Variants in MAP3K9 observed in about 807,000 individuals in gnomAD.
MAP3K9 encodes the protein mitogen-activated protein kinase kinase kinase 9.
In MAP3K9, 46 loss-of-function variants were observed where a neutral mutation model predicts 95.8. The observed-to-expected ratio is 0.48, with a 90% CI of 0.38 to 0.61. The LOEUF is 0.61. MAP3K9 is among the 20% of genes least tolerant of loss of function. The pLI is 0.00. For missense variants in MAP3K9, 1,296 were observed against 1,474.3 expected (o/e 0.88, Z 1.98); for synonymous variants, 533 against 593.8 (o/e 0.90, Z 1.49).
intron 3 of MAP3K9, among the ~76,000 whole-genome samples, chr14:70,756,644 T>C (rs2054303162): frequency 1.3e-5 from 2 of 152,254 alleles, no homozygotes; most frequent in Admixed American, 1.3e-4. Context: ...TAAGTTCTCC[T>C]TCCTCTTTTA....
rs141502233 is a variant in MAP3K9 at position 70,740,131 on chromosome 14, G to C, written c.1601C>G (p.Pro534Arg). 1.9e-6 allele frequency: 3 copies of C among 1,614,148 alleles called. No homozygotes were observed. The African/African-American group carries it at 4.0e-5, about 22-fold the overall frequency. Residue 534 changes from proline (P) to arginine (R), a missense_variant, in exon 7 of 12, where the codon CCT becomes CGT. Coordinates refer to ENST00000554752, the MANE Select transcript of MAP3K9 (RefSeq NM_001284230.2). ...FQHKFTVQASPTMDKRKSLIN... is the reference protein window; with the variant it reads ...FQHKFTVQASRTMDKRKSLIN... ...AAGACTCTTCCTTTTATCCATGGTAGGGGAGGCCTGCACCGTGAACTTGTG... is the reference window on the plus strand; with the variant it reads ...AAGACTCTTCCTTTTATCCATGGTACGGGAGGCCTGCACCGTGAACTTGTG...
At chr14:70,780,041 A>T (rs2054653298) in intron 2 of MAP3K9, among the ~76,000 whole-genome samples, 1 of 152,198 alleles carries the variant, frequency 6.6e-6, no homozygotes. Flanking sequence ...GTTAGTTAAC[A>T]AGATTGGGAT....
chr14:70,798,975 T>C (rs960658986), intron 2 of MAP3K9, among the ~76,000 whole-genome samples: 4 of 152,168 alleles, frequency 2.6e-5, no homozygotes, highest in African/African-American at 9.7e-5. Flanking sequence ...AGTTTTTCTA[T>C]TATTAAGGGG....
rs114935771 is a variant in MAP3K9, at chr14:70,746,777, G to A, written c.1326+2052C>T. On this transcript the variant is annotated intron_variant, in intron 5 of 11. Coordinates refer to ENST00000554752, the MANE Select transcript of MAP3K9 (RefSeq NM_001284230.2). ...TAGCTATTATGAGTTTGACTTCCTA[G>A]TAACTACTTACTGACAAAATCCAAA... Among the ~76,000 whole-genome samples the A allele has an allele frequency of 2.5e-3, 383 of 152,284 alleles. 2 individuals carry two copies. Among genetic ancestry groups the A allele is most frequent in the African/African-American group, 8.9e-3 (371 of 41,542 alleles).
At chr14:70,759,034 A>C (rs139973549) in intron 3 of MAP3K9, among the ~76,000 whole-genome samples, 43 of 152,394 alleles carry the variant, frequency 2.8e-4, no homozygotes, top group African/African-American at 1.0e-3. Context: ...TGAAACATCC[A>C]GAACAGGCAA....
chr14:70,732,482 T>C, intron 11 of MAP3K9, 57 bp downstream of exon 11: 1 of 1,499,034 alleles, frequency 6.7e-7, no homozygotes. Context: ...CCTGCAAACA[T>C]CTTCACTCCC....
rs2139732656 is a variant in MAP3K9 at position 70,742,358 on chromosome 14, G to A, written c.1560C>T (p.Leu520=). 2 of 1,614,068 alleles carry A rather than the reference G, an allele frequency of 1.2e-6. No homozygotes were observed. Among genetic ancestry groups the A allele is most frequent in the Non-Finnish European group, 1.7e-6 (2 of 1,179,952 alleles). Residue 520 remains leucine (L), a synonymous_variant, in exon 6 of 12, where the codon CTC becomes CTT. Transcript: ENST00000554752. ...LKLKDGNRIS[L]PSDFQHKFTV... ...CAGTCCCCGGCCACTGACCAGAAGG[G>A]AGGCTGATGCGGTTGCCATCCTTGA...
In MAP3K9 at chr14:70,764,192, C is replaced by CAAAAA. The variant is rs71105731; in HGVS notation, c.821-3015_821-3011dup. 2.0e-4 allele frequency among the ~76,000 whole-genome samples: 6 copies of CAAAAA among 29,852 alleles called. 2 individuals carry two copies. Among genetic ancestry groups the CAAAAA allele is most frequent in the South Asian group, 3.7e-3 (2 of 536 alleles). The allele number at this position is 29,852 out of a possible 152,430, so 19.6% of individuals were successfully genotyped here. ...TGGGCGACAGAGCGAGACTCCGTCT[C>CAAAAA]AAAAAAAAAAAAAAAAAGTTAACTG... On this transcript the variant is annotated intron_variant, in intron 2 of 11. Transcript: ENST00000554752.
chr14:70,724,465 C>T lies in MAP3K9; in HGVS notation c.*5915G>A, dbSNP rs1424156822. The T allele has an allele frequency of 1.3e-5, 2 of 152,030 alleles. No homozygotes were observed. The highest frequency in any genetic ancestry group is 2.9e-5 in the Non-Finnish European group (2 of 68,012). The allele number at this position is 152,030 out of a possible 1,614,324, so 9.4% of individuals were successfully genotyped here. On this transcript the variant is annotated 3_prime_UTR_variant, in exon 12 of 12. Coordinates refer to ENST00000554752, the MANE Select transcript of MAP3K9 (RefSeq NM_001284230.2). ...TGGTACCTAAGCCCCTCTCACAGGT[C>T]CAGGTGAGGGGCAGGCAGGGCTGGG...
At chr14:70,733,983 G>T (rs1357289832) in intron 10 of MAP3K9, among the ~76,000 whole-genome samples, 1 of 152,174 alleles carries the variant, frequency 6.6e-6, no homozygotes, top group African/African-American at 2.4e-5. Flanking sequence ...CCTCAGACTG[G>T]GAGCTGCACT....
rs989384489 is a variant in MAP3K9 at position 70,783,890 on chromosome 14, T to G, written c.820+16777A>C. ...TTAACAGACGTGTCCAAACCCTTTT[T>G]GAATGTTTATATTACTTTTCTGGTT... On this transcript the variant is annotated intron_variant, in intron 2 of 11. Coordinates refer to ENST00000554752, the MANE Select transcript of MAP3K9 (RefSeq NM_001284230.2). Among the ~76,000 whole-genome samples the G allele has an allele frequency of 3.9e-5, 6 of 152,388 alleles. No individual in the cohort carries two copies. In the South Asian group the frequency reaches 8.3e-4, roughly 21 times the overall value.
chr14:70,801,283 C>T (rs2054927490), intron 1 of MAP3K9, among the ~76,000 whole-genome samples: 1 of 152,130 alleles, frequency 6.6e-6, no homozygotes, highest in Admixed American at 6.5e-5. Context: ...ACAGTCACCA[C>T]ATGGTAGGCA....
At chr14:70,770,529 A>G (rs1205708125) in intron 2 of MAP3K9, among the ~76,000 whole-genome samples, 1 of 151,990 alleles carries the variant, frequency 6.6e-6, no homozygotes, top group Non-Finnish European at 1.5e-5. Context: ...TTTAGCATCG[A>G]GGGTTGGGCA....
chr14:70,783,307 C>G, intron 2 of MAP3K9: 1 of 978,208 alleles, frequency 1.0e-6, no homozygotes, highest in Non-Finnish European at 1.2e-6. Context: ...TCAAATTAGT[C>G]TGACTCTTAT....
chr14:70,726,319 A>T lies in MAP3K9; in HGVS notation c.*4061T>A, dbSNP rs2053820343. 6.6e-6 allele frequency: 1 copy of T among 152,264 alleles called. No individual in the cohort carries two copies. The highest frequency in any genetic ancestry group is 2.4e-5 in the African/African-American group (1 of 41,464). The allele number at this position is 152,264 out of a possible 1,614,324, so 9.4% of individuals were successfully genotyped here. A position where few individuals can be genotyped will look rare whatever the true frequency, so the allele number is the denominator to read the frequency against. ...CCCTGAGCAACAGTAGCCTGAGGGA[A>T]AGGGGGCTTAGTGACCATGACACAT... On this transcript the variant is annotated 3_prime_UTR_variant, in exon 12 of 12. Coordinates refer to ENST00000554752, the MANE Select transcript of MAP3K9 (RefSeq NM_001284230.2).
chr14:70,739,774 T>G, intron 7 of MAP3K9: 1 of 1,096,812 alleles, frequency 9.1e-7, no homozygotes, highest in Non-Finnish European at 1.3e-6. Flanking sequence ...TAAATTGCTT[T>G]GCAAACCACT....
At chr14:70,751,724 A>T (rs371484420) in intron 3 of MAP3K9, among the ~76,000 whole-genome samples, 3 of 152,320 alleles carry the variant, frequency 2.0e-5, no homozygotes, top group Admixed American at 2.0e-4. Flanking sequence ...GTCTCAAAGT[A>T]ATCAATAATA....
chr14:70,734,491 A>T lies in MAP3K9; in HGVS notation c.1921T>A (p.Ser641Thr). 1 of 1,594,646 alleles carries T rather than the reference A, an allele frequency of 6.3e-7. No homozygotes were observed. Among genetic ancestry groups the T allele is most frequent in the East Asian group, 2.2e-5 (1 of 44,808 alleles). Residue 641 changes from serine to threonine, a missense_variant, in exon 10 of 12, where the codon TCC becomes ACC. Ser to Thr is a moderately conservative substitution (Grantham distance 58). Around this residue, in one of 5 missense-constraint regions of MAP3K9, gnomAD observed 377 missense variants for 417.1 expected, o/e 0.90. Coordinates refer to ENST00000554752, the MANE Select transcript of MAP3K9 (RefSeq NM_001284230.2). ...CACTGCTTATATCCATCTACCAGGGACTTGAGGCTGAATCAGAGGAAAAGA... is the reference window on the plus strand; with the variant it reads ...CACTGCTTATATCCATCTACCAGGGTCTTGAGGCTGAATCAGAGGAAAAGA... ...ESPHFHLGLK[S>T]LVDGYKQWSS...
chr14:70,786,800 A>T (rs925832543), intron 2 of MAP3K9, among the ~76,000 whole-genome samples: 1 of 152,214 alleles, frequency 6.6e-6, no homozygotes, highest in Non-Finnish European at 1.5e-5. Flanking sequence ...AGCAAAAAAG[A>T]AAGTCAAGAA....
Sources: allele counts gnomAD v4.1 joint callset (sites outside exome capture counted in the v4.1 genomes callset), GRCh38; gene constraint gnomAD v4.1.1; regional missense constraint gnomAD v4.1.1; transcripts MANE v1.5; gene names NCBI Gene and HGNC (gene_info 2026-07-23, HGNC 2026-07-21).